The following AFDN variants were observed in gnomAD, a reference collection of about 807,000 sequenced individuals.
The protein encoded by AFDN is afadin.
In AFDN, 68 loss-of-function variants were observed where a neutral mutation model predicts 216.6. The observed-to-expected ratio is 0.31, with a 90% CI of 0.26 to 0.38. The LOEUF (loss-of-function observed/expected upper bound fraction) is 0.38, where lower values mean the gene tolerates loss of function less well. Ranked by LOEUF, AFDN falls within the 10% of genes least tolerant of loss-of-function variation. The probability of loss-of-function intolerance (pLI) is 1.00; values close to 1 mark genes in which losing one functional copy is unlikely to be tolerated. For synonymous variants in AFDN, 868 were observed against 853.7 expected (o/e 1.02, Z -0.29); for missense variants, 2,136 against 2,342.0 (o/e 0.91, Z 1.82).
Position 167,868,965 on chromosome 6 carries a change from C to T in AFDN, c.302-1421C>T, listed in dbSNP as rs543464792. ...TTCTTTTTTTTTTTTCTGTGGAAATCGGATCTTGCCATGTTGCCCAGGCTG... is the reference window on the plus strand; with the variant it reads ...TTCTTTTTTTTTTTTCTGTGGAAATTGGATCTTGCCATGTTGCCCAGGCTG... On this transcript the variant is annotated intron_variant, in intron 2 of 33. Coordinates refer to ENST00000683244, the MANE Select transcript of AFDN (RefSeq NM_001386888.1). Among the ~76,000 whole-genome samples, 40 of 151,082 alleles carry T rather than the reference C, an allele frequency of 2.6e-4. No homozygotes were observed. In the East Asian group the frequency reaches 5.1e-3, roughly 19 times the overall value.
In AFDN at chr6:167,893,902, C is replaced by T. The variant is rs1301245372; in HGVS notation, c.1218C>T (p.Tyr406=). Reference sequence around the variant, plus strand: ...TTGCCTACTACAACTATCACACTTACGAAGGTAATGCTATGCTTACTACTA... The same window carrying T: ...TTGCCTACTACAACTATCACACTTATGAAGGTAATGCTATGCTTACTACTA... The part of the protein sequence containing the change: ...NHFAYYNYHT[Y]EDGSDSRDKP... The change falls in exon 9 of 34, where the codon TAC becomes TAT. Residue 406 remains tyrosine (Y), a synonymous_variant. Coordinates refer to ENST00000683244, the MANE Select transcript of AFDN (RefSeq NM_001386888.1). 1.1e-5 allele frequency: 17 copies of T among 1,584,524 alleles called. No homozygotes were observed. Among genetic ancestry groups the T allele is most frequent in the East Asian group, 6.8e-5 (3 of 44,136 alleles).
intron 4 of AFDN, among the ~76,000 whole-genome samples, chr6:167,874,784 T>G (rs1785166536): frequency 6.6e-6 from 1 of 151,990 alleles, no homozygotes; most frequent in African/African-American, 2.4e-5. Context: ...CTCGGCTAAT[T>G]TTGTATTTTT....
At chr6:167,927,948 C>A (rs947031677) in intron 23 of AFDN, among the ~76,000 whole-genome samples, 6 of 152,184 alleles carry the variant, frequency 3.9e-5, no homozygotes, top group Admixed American at 3.9e-4. Context: ...GTACTCAAAT[C>A]TGTGGGCAGA....
chr6:167,924,814 C>T (rs1366033715), intron 22 of AFDN, 191 bp from the exon 23 acceptor site: 2 of 611,916 alleles, frequency 3.3e-6, no homozygotes, highest in African/African-American at 1.8e-5. Flanking sequence ...TCAAGAATAT[C>T]GATTTAGTTT....
intron 12 of AFDN, among the ~76,000 whole-genome samples, chr6:167,903,602 T>A (rs1789269539): frequency 6.6e-6 from 1 of 152,166 alleles, no homozygotes; most frequent in South Asian, 2.1e-4. Flanking sequence ...TGCCACAAAC[T>A]CCTATGATCC....
chr6:167,964,893 A>G (rs369875402), intron 31 of AFDN: 1 of 1,063,720 alleles, frequency 9.4e-7, no homozygotes, highest in Non-Finnish European at 1.1e-6. Context: ...ACTTTTGTCA[A>G]TCTTTAACAA....
At chr6:167,883,542 G>A (rs1364860527) in intron 6 of AFDN, among the ~76,000 whole-genome samples, 1 of 152,190 alleles carries the variant, frequency 6.6e-6, no homozygotes, top group Admixed American at 6.5e-5. Context: ...CGATGCCAGA[G>A]ACCGTCACGG....
intron 4 of AFDN, 81 bp downstream of exon 4, chr6:167,872,458 A>G (rs1784895368): frequency 7.0e-7 from 1 of 1,435,326 alleles, no homozygotes; most frequent in Non-Finnish European, 9.5e-7. Context: ...TTAAATTTTC[A>G]GATAAATTAT....
intron 1 of AFDN, among the ~76,000 whole-genome samples, chr6:167,853,492 T>TTG (rs1229522463): frequency 6.6e-6 from 1 of 152,088 alleles, no homozygotes; most frequent in Non-Finnish European, 1.5e-5. Flanking sequence ...ATGACCAACT[T>TTG]GATAGAGAGT....
intron 1 of AFDN, among the ~76,000 whole-genome samples, chr6:167,856,105 G>GTTA (rs1328599582): frequency 6.6e-6 from 1 of 152,140 alleles, no homozygotes; most frequent in Non-Finnish European, 1.5e-5. Context: ...GTATATGCCT[G>GTTA]TTAGTCACAT....
chr6:167,852,013 A>T (rs1782368813), intron 1 of AFDN, among the ~76,000 whole-genome samples: 2 of 152,138 alleles, frequency 1.3e-5, no homozygotes, highest in Non-Finnish European at 2.9e-5. Flanking sequence ...CACAATTTTC[A>T]GTTTGTCGTT....
rs1796035201 is a variant in AFDN, at chr6:167,951,956, G to A, written c.4602G>A (p.Gln1534=). 2 of 1,614,074 alleles carry A rather than the reference G, an allele frequency of 1.2e-6. No homozygotes were observed. The highest frequency in any genetic ancestry group is 1.7e-5 in the Admixed American group (1 of 60,006). The change falls in exon 30 of 34, where the codon CAG becomes CAA. Residue 1534 remains glutamine, a synonymous_variant. Transcript: ENST00000683244. This position sits in a 1 kb window ranked among gnomAD's most constrained non-coding sequence, Gnocchi z 7.1. ...ACGCCAAGGAGAAGCTGGAGAAGCA[G>A]CAGCAGATGCACATCGTGGACATGC... ...KRDAKEKLEK[Q]QQMHIVDMLS... is the part of the protein sequence containing the mutation.
intron 1 of AFDN, among the ~76,000 whole-genome samples, chr6:167,830,258 A>G (rs1158815053): frequency 1.3e-5 from 2 of 152,298 alleles, no homozygotes; most frequent in Admixed American, 6.5e-5. Context: ...TGGTTATCCA[A>G]AGGTCTCCCT....
intron 29 of AFDN, among the ~76,000 whole-genome samples, chr6:167,949,941 C>T (rs1338531080): frequency 1.3e-5 from 2 of 151,990 alleles, no homozygotes; most frequent in African/African-American, 2.4e-5. Flanking sequence ...GGGGTTTAAG[C>T]GAGGAGGTGG....
chr6:167,937,945 G>T (rs934151315), intron 23 of AFDN, among the ~76,000 whole-genome samples: 1 of 152,192 alleles, frequency 6.6e-6, no homozygotes, highest in Non-Finnish European at 1.5e-5. Context: ...TAAACTATAA[G>T]TCAACCTAAT....
At chr6:167,828,301 C>T (rs1779434539) in intron 1 of AFDN, among the ~76,000 whole-genome samples, 1 of 152,142 alleles carries the variant, frequency 6.6e-6, no homozygotes, top group Admixed American at 6.5e-5. Context: ...AAATGTAATC[C>T]TTTTATCATT....
At chr6:167,913,306 C>T (rs1790641701) in intron 15 of AFDN, 97 bp from the exon 16 acceptor site, 2 of 1,172,440 alleles carry the variant, frequency 1.7e-6, no homozygotes, top group Admixed American at 2.0e-5. Flanking sequence ...CATGTCGTAC[C>T]TTCATATTAG....
intron 24 of AFDN, 101 bp from the exon 25 acceptor site, chr6:167,943,301 T>C: frequency 3.5e-6 from 5 of 1,435,680 alleles, no homozygotes; most frequent in Non-Finnish European, 9.8e-7. Flanking sequence ...TAGTGCTTGT[T>C]GGAAGAACAA....
chr6:167,853,707 G>C (rs552008080), intron 1 of AFDN, among the ~76,000 whole-genome samples: 1 of 152,172 alleles, frequency 6.6e-6, no homozygotes, highest in African/African-American at 2.4e-5. Flanking sequence ...TTTGTGTCCT[G>C]TCTTTTCATA....
Sources: gnomAD v4.1 joint callset for allele counts (sites outside exome capture counted in the v4.1 genomes callset) on GRCh38, gnomAD v4.1.1 for gene constraint, Gnocchi (gnomAD v3.1) non-coding constraint, MANE v1.5 for transcripts, NCBI Gene and HGNC (gene_info 2026-07-23, HGNC 2026-07-21) for gene names.